The following GVQW3 variants were observed in gnomAD, a reference collection of about 807,000 sequenced individuals.
The protein encoded by GVQW3 is protein GVQW3.
GVQW3 carries 7 observed loss-of-function variants against 12.5 expected under a neutral mutation model. That is an observed-to-expected ratio of 0.56 (90% CI 0.32 to 1.05). The LOEUF (loss-of-function observed/expected upper bound fraction) is 1.05, where lower values mean the gene tolerates loss of function less well. Ranked by LOEUF, GVQW3 falls within the 50% of genes least tolerant of loss-of-function variation. GVQW3 has a pLI of 0.04. For missense variants in GVQW3, 188 were observed against 190.8 expected (o/e 0.99, Z 0.09); for synonymous variants, 71 against 67.2 (o/e 1.06, Z -0.28).
chr11:76,405,786 T>C lies in GVQW3; in HGVS notation c.*2028T>C, dbSNP rs1038389127. 1.3e-5 allele frequency: 2 copies of C among 152,546 alleles called. No individual in the cohort carries two copies. Among genetic ancestry groups the C allele is most frequent in the Admixed American group, 1.3e-4 (2 of 15,292 alleles). 9.4% of individuals were successfully genotyped at this position (152,546 alleles called of 1,614,324 possible). On this transcript the variant is annotated 3_prime_UTR_variant, in exon 2 of 2. Coordinates refer to ENST00000529331, the MANE Select transcript of GVQW3 (RefSeq NM_001347885.2). Reference sequence around the variant, plus strand: ...CTCCTGCCTCAGCCTTCCAAGTAGCTAGGACAACAGGTGCGTGCTACCATG... The same window carrying C: ...CTCCTGCCTCAGCCTTCCAAGTAGCCAGGACAACAGGTGCGTGCTACCATG...
intron 1 of GVQW3, among the ~76,000 whole-genome samples, chr11:76,397,544 A>G (rs184287569): frequency 1.1e-4 from 17 of 152,240 alleles, no homozygotes; most frequent in Non-Finnish European, 2.5e-4. Flanking sequence ...GCTGGTAAAT[A>G]TTTAACACCA....
At chr11:76,394,760 C>A (rs181873026) in intron 1 of GVQW3, among the ~76,000 whole-genome samples, 18 of 152,272 alleles carry the variant, frequency 1.2e-4, no homozygotes, top group Non-Finnish European at 2.5e-4. Flanking sequence ...TTTTGCAGAA[C>A]CTTCAAACTG....
At chr11:76,395,871 TAGATG>T (rs1451048689) in intron 1 of GVQW3, among the ~76,000 whole-genome samples, 2 of 152,202 alleles carry the variant, frequency 1.3e-5, no homozygotes, top group African/African-American at 4.8e-5. Flanking sequence ...TAAGCTTTGT[TAGATG>T]AGACCAGAGT....
intron 1 of GVQW3, among the ~76,000 whole-genome samples, chr11:76,393,383 A>G (rs1017420248): frequency 2.0e-5 from 3 of 152,086 alleles, no homozygotes; most frequent in Admixed American, 6.5e-5. Flanking sequence ...TGATTTCCCT[A>G]ACATCTCTTA....
At position 76,381,948 on chromosome 11, in the gene GVQW3, G is replaced by C; in HGVS notation, c.120G>C (p.Arg40Ser). ...CTTATGGGGATGAAGTCATGTCAAGGGCCAGAGTTTTTGACTGGCACAAAA... is the reference window on the plus strand; with the variant it reads ...CTTATGGGGATGAAGTCATGTCAAGCGCCAGAGTTTTTGACTGGCACAAAA... ...KEAYGDEVMS[R>S]ARVFDWHKRF... Residue 40 changes from arginine (R) to serine (S), a missense_variant, in exon 1 of 2, where the codon AGG becomes AGC. Physicochemically the swap from Arg to Ser is moderately radical, Grantham distance 110. Coordinates refer to ENST00000529331, the MANE Select transcript of GVQW3 (RefSeq NM_001347885.2). The C allele has an allele frequency of 6.5e-7, 1 of 1,536,362 alleles. No homozygotes were observed. Among genetic ancestry groups the C allele is most frequent in the Non-Finnish European group, 8.7e-7 (1 of 1,146,976 alleles).
exon 2 of GVQW3, chr11:76,414,514 C>G (rs1456257269): frequency 6.6e-6 from 1 of 151,578 alleles, no homozygotes; most frequent in African/African-American, 2.4e-5. Context: ...GCAATCTCAC[C>G]AGGTTTTCCC....
At chr11:76,403,578 T>C (rs1281366377) in intron 1 of GVQW3, 82 bp from the exon 2 acceptor site, 3 of 426,452 alleles carry the variant, frequency 7.0e-6, no homozygotes, top group East Asian at 3.5e-5. Flanking sequence ...CAAGCAGTCC[T>C]CCCACCTCAG....
chr11:76,397,295 C>G (rs1946948215), intron 1 of GVQW3, among the ~76,000 whole-genome samples: 1 of 151,362 alleles, frequency 6.6e-6, no homozygotes, highest in South Asian at 2.1e-4. Context: ...AGCCACCACA[C>G]TCAGCCCCTT....
intron 1 of GVQW3, among the ~76,000 whole-genome samples, chr11:76,383,939 T>C (rs552604881): frequency 9.8e-5 from 15 of 152,350 alleles, no homozygotes; most frequent in Admixed American, 5.2e-4. Context: ...TTGCTTCCCC[T>C]GAGTCTGTGA....
At chr11:76,391,928 C>T (rs553749783) in intron 1 of GVQW3, among the ~76,000 whole-genome samples, 15 of 152,100 alleles carry the variant, frequency 9.9e-5, no homozygotes, top group East Asian at 5.8e-4. Context: ...CACTCCAGCC[C>T]GGGCGACAGA....
intron 1 of GVQW3, among the ~76,000 whole-genome samples, chr11:76,394,274 T>C (rs1946920120): frequency 6.6e-6 from 1 of 152,180 alleles, no homozygotes; most frequent in Admixed American, 6.5e-5. Flanking sequence ...TATTAGATCT[T>C]GTCCATTCTT....
At position 76,382,241 on chromosome 11, in the gene GVQW3, G is replaced by C. The variant is rs1476531002; in HGVS notation, c.413G>C (p.Arg138Pro). The C allele has an allele frequency of 1.3e-6, 2 of 1,535,844 alleles. No homozygotes were observed. Among genetic ancestry groups the C allele is most frequent in the Non-Finnish European group, 1.7e-6 (2 of 1,146,814 alleles). The change falls in exon 1 of 2, where the codon CGG becomes CCG. Residue 138 changes from arginine to proline, a missense_variant. By Grantham distance (103) the Arg-to-Pro change is moderately radical. Transcript: ENST00000529331. ...CCTAAACCACGAAAACTTGACTTTC[G>C]GTCCGATCTTTCAAAGGAAACTAGG... ...GEPKPRKLDF[R>P]SDLSKETRKN...
At chr11:76,401,075 G>A (rs1413602924) in intron 1 of GVQW3, among the ~76,000 whole-genome samples, 1 of 148,382 alleles carries the variant, frequency 6.7e-6, no homozygotes, top group African/African-American at 2.5e-5. Flanking sequence ...GTTTCACTAT[G>A]TTGCCCAAGC....
At chr11:76,392,729 G>A (rs1335495865) in intron 1 of GVQW3, 1 of 152,228 alleles carries the variant, frequency 6.6e-6, no homozygotes. Flanking sequence ...TCTCTGGGGT[G>A]TCCAGGTCCC....
chr11:76,398,347 A>C (rs1241568113), intron 1 of GVQW3, among the ~76,000 whole-genome samples: 2 of 151,984 alleles, frequency 1.3e-5, no homozygotes, highest in Admixed American at 6.6e-5. Context: ...TTTGTAGCCC[A>C]AGCTGCCAAG....
Position 76,381,746 on chromosome 11 carries a change from C to T in GVQW3, c.-83C>T. The T allele has an allele frequency of 8.1e-7, 1 of 1,241,626 alleles. No individual in the cohort carries two copies. The highest frequency in any genetic ancestry group is 1.1e-6 in the Non-Finnish European group (1 of 921,214). 76.9% of individuals were successfully genotyped at this position (1,241,626 alleles called of 1,614,324 possible). The stretch of plus-strand genomic sequence containing the variant: ...AGCAAGAAGAGCGATATGATTACAC[C>T]TGCAGCCCTATAAAGATTGATCTGT... On this transcript the variant is annotated 5_prime_UTR_variant, in exon 1 of 2. Transcript: ENST00000529331.
chr11:76,401,214 ACTTC>A (rs1946986091), intron 1 of GVQW3, among the ~76,000 whole-genome samples: 1 of 151,612 alleles, frequency 6.6e-6, no homozygotes, highest in Non-Finnish European at 1.5e-5. Flanking sequence ...AATCATCCTT[ACTTC>A]ATAGTCTCTT....
intron 1 of GVQW3, among the ~76,000 whole-genome samples, chr11:76,393,810 A>G (rs1013622721): frequency 6.6e-6 from 1 of 152,160 alleles, no homozygotes; most frequent in Non-Finnish European, 1.5e-5. Flanking sequence ...ATGTATAGCA[A>G]TCACATCAGG....
At chr11:76,401,791 AG>A (rs1813159835) in intron 1 of GVQW3, among the ~76,000 whole-genome samples, 1 of 148,022 alleles carries the variant, frequency 6.8e-6, no homozygotes, top group African/African-American at 2.5e-5. Context: ...AAAAAAAAAA[AG>A]AAAGAAAGAA....
Sources: gnomAD v4.1 joint callset for allele counts (sites outside exome capture counted in the v4.1 genomes callset) on GRCh38, gnomAD v4.1.1 for gene constraint, MANE v1.5 for transcripts, NCBI Gene and HGNC (gene_info 2026-07-23, HGNC 2026-07-21) for gene names.